Variants in FOXJ3 observed in about 807,000 individuals in gnomAD.
FOXJ3 encodes the protein forkhead box J3.
Under a neutral mutation model 76.1 loss-of-function variants are expected in FOXJ3, and 22 were observed. The ratio of observed to expected loss-of-function variants is 0.29; its 90% CI spans 0.21 to 0.41. FOXJ3 has a LOEUF of 0.41. Among genes scored for constraint, FOXJ3 ranks in the 10% least tolerant of loss-of-function variants. FOXJ3 has a pLI of 1.00. For missense variants in FOXJ3, 613 were observed against 762.1 expected (o/e 0.80, Z 2.30); for synonymous variants, 269 against 261.2 (o/e 1.03, Z -0.29).
At chr1:42,318,314 T>C (rs1369873484) in intron 1 of FOXJ3, among the ~76,000 whole-genome samples, 1 of 152,296 alleles carries the variant, frequency 6.6e-6, no homozygotes, top group East Asian at 1.9e-4. Flanking sequence ...CATGAAAAGA[T>C]GTTCAGCATC....
chr1:42,191,217 T>C (rs1246293898), intron 9 of FOXJ3, 86 bp downstream of exon 9: 10 of 1,248,546 alleles, frequency 8.0e-6, no homozygotes, highest in South Asian at 1.7e-5. Context: ...GAGGTTTTGG[T>C]AGTAAATACT....
rs1166082659 is a variant in FOXJ3, at chr1:42,237,427, T to TATATATATATATAC, written c.445-9462_445-9461insGTATATATATATAT. 2.2e-3 allele frequency among the ~76,000 whole-genome samples: 284 copies of TATATATATATATAC among 129,908 alleles called. 3 individuals are homozygous for TATATATATATATAC. Among genetic ancestry groups the TATATATATATATAC allele is most frequent in the Middle Eastern group, 8.1e-3 (2 of 248 alleles). 85.2% of individuals were successfully genotyped at this position (129,908 alleles called of 152,430 possible). On this transcript the variant is annotated intron_variant, in intron 4 of 12. Coordinates refer to ENST00000361346, the MANE Select transcript of FOXJ3 (RefSeq NM_014947.5). ...ATACATATATATATATATATATATA[T>TATATATATATATAC]ACATACATACATATATATATATACA...
chr1:42,306,959 C>T (rs1048584642), intron 2 of FOXJ3, among the ~76,000 whole-genome samples: 1 of 152,146 alleles, frequency 6.6e-6, no homozygotes, highest in African/African-American at 2.4e-5. Context: ...GCACCCCTAC[C>T]CGTATTCTGC....
At chr1:42,236,668 T>A (rs1348473714) in intron 4 of FOXJ3, among the ~76,000 whole-genome samples, 1 of 152,242 alleles carries the variant, frequency 6.6e-6, no homozygotes, top group Non-Finnish European at 1.5e-5. Context: ...CAATTCCCTT[T>A]CCTTAGCCTT....
intron 5 of FOXJ3, among the ~76,000 whole-genome samples, chr1:42,224,549 G>A (rs1452164108): frequency 2.0e-5 from 3 of 151,800 alleles, no homozygotes; most frequent in Admixed American, 2.0e-4. Context: ...GCTACTCGGA[G>A]GGGCTAAGGC....
chr1:42,254,194 G>C (rs1169729284), intron 4 of FOXJ3, among the ~76,000 whole-genome samples: 1 of 151,482 alleles, frequency 6.6e-6, no homozygotes, highest in Non-Finnish European at 1.5e-5. Flanking sequence ...CATTTACGCA[G>C]CCAAAAGACA....
intron 2 of FOXJ3, among the ~76,000 whole-genome samples, chr1:42,286,763 A>G (rs1467661337): frequency 6.6e-6 from 1 of 151,932 alleles, no homozygotes; most frequent in African/African-American, 2.4e-5. Flanking sequence ...CCTCCCGAGT[A>G]GCTGGGATTA....
intron 2 of FOXJ3, among the ~76,000 whole-genome samples, chr1:42,293,489 T>TA (rs1491526070): frequency 2.6e-5 from 4 of 151,960 alleles, no homozygotes; most frequent in Admixed American, 6.6e-5. Context: ...CTAAAATGTC[T>TA]AAAAAAAATC....
rs559801016 is a variant in FOXJ3 at position 42,228,960 on chromosome 1, G to A, written c.445-994C>T. 4.6e-5 allele frequency among the ~76,000 whole-genome samples: 7 copies of A among 152,166 alleles called. No individual in the cohort carries two copies. The East Asian group carries it at 1.4e-3, about 29-fold the overall frequency. Reference sequence around the variant, plus strand: ...TTCCTAGGCCGTTTTTTAAGGCAACGCTTAACAATGAGGGGAAATACAACC... The same window carrying A: ...TTCCTAGGCCGTTTTTTAAGGCAACACTTAACAATGAGGGGAAATACAACC... On this transcript the variant is annotated intron_variant, in intron 4 of 12. Transcript: ENST00000361346.
intron 5 of FOXJ3, among the ~76,000 whole-genome samples, chr1:42,207,166 A>T (rs887864953): frequency 1.2e-4 from 18 of 152,196 alleles, no homozygotes; most frequent in Non-Finnish European, 1.2e-4. Context: ...ACATCCATTA[A>T]TCAACCTGTC....
At chr1:42,316,254 G>A (rs540346790) in intron 1 of FOXJ3, among the ~76,000 whole-genome samples, 29 of 149,408 alleles carry the variant, frequency 1.9e-4, no homozygotes, top group African/African-American at 3.7e-4. Context: ...CTGCAGCCTC[G>A]AACTTCTGAG....
At chr1:42,268,344 A>C (rs1651625881) in intron 3 of FOXJ3, among the ~76,000 whole-genome samples, 1 of 152,098 alleles carries the variant, frequency 6.6e-6, no homozygotes, top group Non-Finnish European at 1.5e-5. Flanking sequence ...CAGTGAAAAT[A>C]TCTCTCAAAA....
chr1:42,191,843 G>A, intron 8 of FOXJ3, 124 bp from the exon 9 acceptor site: 1 of 1,001,742 alleles, frequency 1.0e-6, no homozygotes, highest in Non-Finnish European at 1.5e-6. Context: ...AATTTAATAA[G>A]TGTTAATCCA....
At chr1:42,220,263 C>G (rs941937593) in intron 5 of FOXJ3, among the ~76,000 whole-genome samples, 2 of 152,114 alleles carry the variant, frequency 1.3e-5, no homozygotes, top group African/African-American at 2.4e-5. Context: ...CGAAACAATA[C>G]ACTCAAAAAC....
At chr1:42,274,589 TA>T (rs1652115363) in intron 3 of FOXJ3, among the ~76,000 whole-genome samples, 1 of 152,146 alleles carries the variant, frequency 6.6e-6, no homozygotes, top group African/African-American at 2.4e-5. Context: ...TTTTCACCTT[TA>T]AAATTTGGAA....
chr1:42,300,794 C>A (rs1433893139), intron 2 of FOXJ3, among the ~76,000 whole-genome samples: 2 of 152,120 alleles, frequency 1.3e-5, no homozygotes, highest in African/African-American at 2.4e-5. Context: ...AAAATTAATT[C>A]TTGGCTGGTA....
chr1:42,219,385 CA>C (rs940458957), intron 5 of FOXJ3, among the ~76,000 whole-genome samples: 2 of 152,080 alleles, frequency 1.3e-5, no homozygotes, highest in African/African-American at 4.8e-5. Flanking sequence ...TAAACTTTAT[CA>C]TAGGTATGCC....
At chr1:42,324,098 T>TGTATATATACTATATATAC (rs1557725849) in intron 1 of FOXJ3, among the ~76,000 whole-genome samples, 1 of 5,836 alleles carries the variant, frequency 1.7e-4, no homozygotes, top group Non-Finnish European at 5.3e-4. Flanking sequence ...ACTGTATATA[T>TGTATATATACTATATATAC]ACTGTGTATA....
chr1:42,281,351 G>A (rs1652695980), intron 2 of FOXJ3, among the ~76,000 whole-genome samples: 1 of 152,072 alleles, frequency 6.6e-6, no homozygotes. Flanking sequence ...TAAACAACAT[G>A]GACTAAAGCC....
Sources: allele counts gnomAD v4.1 joint callset (sites outside exome capture counted in the v4.1 genomes callset), GRCh38; gene constraint gnomAD v4.1.1; transcripts MANE v1.5; gene names NCBI Gene and HGNC (gene_info 2026-07-23, HGNC 2026-07-21).